VAV2: variants seen among roughly 807,000 people sequenced by gnomAD.
VAV2 encodes guanine nucleotide exchange factor VAV2.
In VAV2, 67 loss-of-function variants were observed where a neutral mutation model predicts 132.5. That is an observed-to-expected ratio of 0.51 (90% CI 0.42 to 0.62). The LOEUF is 0.62. Ranked by LOEUF, VAV2 falls within the 20% of genes least tolerant of loss-of-function variation. The pLI is 0.00. For missense variants in VAV2, 938 were observed against 1,153.6 expected (o/e 0.81, Z 2.71); for synonymous variants, 492 against 443.5 (o/e 1.11, Z -1.37).
Position 133,992,112 on chromosome 9 carries a change from T to C in VAV2, c.167A>G (p.Asp56Gly), listed in dbSNP as rs1258422004. The change falls in exon 1 of 30, where the codon GAC (aspartate) becomes GGC (glycine). Residue 56 changes from aspartate (D) to glycine (G), a missense_variant. Coordinates refer to ENST00000371850, the MANE Select transcript of VAV2 (RefSeq NM_001134398.2). The surrounding 1 kb of genome is among the most constrained non-coding windows in gnomAD (Gnocchi z 5.5). ...LLHNLSPGSIDLKDINFRPQM... is the reference protein window; with the variant it reads ...LLHNLSPGSIGLKDINFRPQM... The stretch of plus-strand genomic sequence containing the variant: ...CGGCCGGAAGTTGATGTCCTTGAGG[T>C]CGATGGAGCCGGGGGAGAGGTTGTG... 6.3e-7 allele frequency: 1 copy of C among 1,590,354 alleles called. No individual in the cohort carries two copies. The highest frequency in any genetic ancestry group is 8.6e-7 in the Non-Finnish European group (1 of 1,169,576).
At chr9:133,880,192 C>T (rs751787360) in intron 2 of VAV2, among the ~76,000 whole-genome samples, 4 of 152,224 alleles carry the variant, frequency 2.6e-5, no homozygotes, top group Non-Finnish European at 4.4e-5. Context: ...CACTCACGAG[C>T]AGCCCTGGAC....
chr9:133,867,965 C>T (rs1374907357), intron 2 of VAV2, among the ~76,000 whole-genome samples: 3 of 152,252 alleles, frequency 2.0e-5, no homozygotes, highest in Non-Finnish European at 2.9e-5. Context: ...AGACAGGGAT[C>T]TGAGGTCTCG....
intron 2 of VAV2, among the ~76,000 whole-genome samples, chr9:133,933,474 T>G (rs1376335745): frequency 1.6e-5 from 1 of 60,988 alleles, no homozygotes; most frequent in Non-Finnish European, 4.6e-5. Flanking sequence ...GATGGATGAA[T>G]GGATGAGTGG....
chr9:133,821,438 C>T (rs576006821), intron 4 of VAV2, among the ~76,000 whole-genome samples: 2 of 152,300 alleles, frequency 1.3e-5, no homozygotes, highest in African/African-American at 4.8e-5. Flanking sequence ...ACCTAAGCTT[C>T]GGTTTCCCAT....
chr9:133,960,535 C>T lies in VAV2; in HGVS notation c.205-21316G>A, dbSNP rs538415311. On this transcript the variant is annotated intron_variant, in intron 1 of 29. Coordinates refer to ENST00000371850, the MANE Select transcript of VAV2 (RefSeq NM_001134398.2). ...AAGCCTCTCCCCCAAATCATGTCTCCGCTTAATAGCGGCCGCCAATTATTT... is the reference window on the plus strand; with the variant it reads ...AAGCCTCTCCCCCAAATCATGTCTCTGCTTAATAGCGGCCGCCAATTATTT... Among the ~76,000 whole-genome samples, 26 of 152,328 alleles carry T rather than the reference C, an allele frequency of 1.7e-4. No individual in the cohort carries two copies. The East Asian group carries it at 2.5e-3, about 15-fold the overall frequency.
At chr9:133,952,835 C>A (rs2256875) in intron 1 of VAV2, among the ~76,000 whole-genome samples, 1 of 146,946 alleles carries the variant, frequency 6.8e-6, no homozygotes, top group Non-Finnish European at 1.5e-5. Context: ...CACAGCCCCA[C>A]TGACACCTAG....
chr9:133,880,635 A>G (rs12001180), intron 2 of VAV2, among the ~76,000 whole-genome samples: 39,946 of 152,114 alleles, frequency 0.26, 7,843 homozygotes, highest in African/African-American at 0.56. Context: ...GAGGACATAA[A>G]GGGGAAACTG....
intron 2 of VAV2, among the ~76,000 whole-genome samples, chr9:133,865,617 CTTCTT>C (rs1248581190): frequency 2.6e-5 from 4 of 152,080 alleles, no homozygotes; most frequent in Admixed American, 6.5e-5. Context: ...ATCATTTTCT[CTTCTT>C]TTCTTTTGCA....
chr9:133,850,232 C>T lies in VAV2; in HGVS notation c.380+11142G>A, dbSNP rs1242013462. ...CAAGGATCCCAGCCGGGCCTCGAAC[C>T]CAAGTCTCTCAACCTCAGGCCAGGC... On this transcript the variant is annotated intron_variant, in intron 3 of 29. Transcript: ENST00000371850. 2.0e-5 allele frequency among the ~76,000 whole-genome samples: 3 copies of T among 152,200 alleles called. No individual in the cohort carries two copies. The East Asian group carries it at 5.8e-4, about 29-fold the overall frequency.
At chr9:133,861,268 A>C (rs1481723106) in intron 3 of VAV2, 106 bp downstream of exon 3, 1 of 1,258,956 alleles carries the variant, frequency 7.9e-7, no homozygotes, top group Non-Finnish European at 1.1e-6. Flanking sequence ...TGATAAAGAC[A>C]CAGGCAGAGG....
Position 133,972,771 on chromosome 9 carries a change from C to G in VAV2, c.204+19304G>C, listed in dbSNP as rs553599212. Among the ~76,000 whole-genome samples, 4 of 152,264 alleles carry G rather than the reference C, an allele frequency of 2.6e-5. No individual in the cohort carries two copies. In the Middle Eastern group the frequency reaches 0.014, roughly 518 times the overall value. ...CCCTCCTCCCACCCACTCCTGGAGGCGTCAGGCAGAAATGATGGCCCCACT... is the reference window on the plus strand; with the variant it reads ...CCCTCCTCCCACCCACTCCTGGAGGGGTCAGGCAGAAATGATGGCCCCACT... On this transcript the variant is annotated intron_variant, in intron 1 of 29. Coordinates refer to ENST00000371850, the MANE Select transcript of VAV2 (RefSeq NM_001134398.2).
At chr9:133,782,435 T>C (rs763980728) in intron 19 of VAV2, among the ~76,000 whole-genome samples, 45 of 152,260 alleles carry the variant, frequency 3.0e-4, no homozygotes, top group Non-Finnish European at 6.0e-4. Context: ...CGGGATCCTG[T>C]GCACAGCTAG....
intron 9 of VAV2, among the ~76,000 whole-genome samples, chr9:133,799,881 G>A (rs948736587): frequency 2.0e-5 from 3 of 152,108 alleles, no homozygotes; most frequent in African/African-American, 4.8e-5. Context: ...GAAAGTGAGC[G>A]GACAAGACAC....
intron 1 of VAV2, among the ~76,000 whole-genome samples, chr9:133,987,491 A>AG (rs369484859): frequency 6.6e-6 from 1 of 152,150 alleles, no homozygotes; most frequent in Non-Finnish European, 1.5e-5. Context: ...AAAGGCCCGG[A>AG]GGGGGGGATG....
At chr9:133,972,374 G>C (rs977525361) in intron 1 of VAV2, among the ~76,000 whole-genome samples, 1 of 152,250 alleles carries the variant, frequency 6.6e-6, no homozygotes, top group African/African-American at 2.4e-5. Context: ...GCGCTGCGAT[G>C]CTGGGGCAGG....
At chr9:133,795,296 C>T (rs1834662175) in intron 12 of VAV2, among the ~76,000 whole-genome samples, 1 of 152,140 alleles carries the variant, frequency 6.6e-6, no homozygotes, top group Non-Finnish European at 1.5e-5. Flanking sequence ...TGAGAGATGG[C>T]ACCGGAGGTG....
Position 133,769,173 on chromosome 9 carries a change from G to A in VAV2, c.2434+244C>T, listed in dbSNP as rs1833532347. On this transcript the variant is annotated intron_variant, in intron 28 of 29. Transcript: ENST00000371850. The surrounding 1 kb of genome is among the most constrained non-coding windows in gnomAD (Gnocchi z 8.1). ...ACGGGGCTGGGAAAGTGGCCATCAG[G>A]GTGGGCGTGTCCACAGGGGGTGGGT... is the stretch of plus-strand genomic sequence containing the variant. Among the ~76,000 whole-genome samples, 1 of 152,242 alleles carries A rather than the reference G, an allele frequency of 6.6e-6. No homozygotes were observed. The highest frequency in any genetic ancestry group is 1.9e-4 in the East Asian group (1 of 5,200).
chr9:133,828,912 C>T (rs540336212), intron 4 of VAV2, among the ~76,000 whole-genome samples: 1 of 152,324 alleles, frequency 6.6e-6, no homozygotes, highest in East Asian at 1.9e-4. Flanking sequence ...GTGCTGAGGC[C>T]CAGCTGTCAC....
At chr9:133,906,427 C>A (rs1277162975) in intron 2 of VAV2, among the ~76,000 whole-genome samples, 1 of 152,216 alleles carries the variant, frequency 6.6e-6, no homozygotes, top group East Asian at 1.9e-4. Flanking sequence ...GGGAGCCGCC[C>A]CCGCCCTGCC....
Sources: allele counts gnomAD v4.1 joint callset (sites outside exome capture counted in the v4.1 genomes callset), GRCh38; gene constraint gnomAD v4.1.1; non-coding constraint Gnocchi (gnomAD v3.1); transcripts MANE v1.5; gene names NCBI Gene and HGNC (gene_info 2026-07-23, HGNC 2026-07-21).